RUNX2: variants seen among roughly 807,000 people sequenced by gnomAD.
RUNX2 encodes the protein RUNX family transcription factor 2, also known as runt-related transcription factor 2.
A neutral mutation model predicts 51.7 loss-of-function variants in RUNX2; 10 were observed. That is an observed-to-expected ratio of 0.19 (90% CI 0.12 to 0.33). RUNX2 has a LOEUF of 0.33. Among genes scored for constraint, RUNX2 ranks in the 10% least tolerant of loss-of-function variants. The pLI is 1.00. For missense variants in RUNX2, 562 were observed against 691.3 expected (o/e 0.81, Z 2.10); for synonymous variants, 276 against 273.6 (o/e 1.01, Z -0.09).
intron 6 of RUNX2, among the ~76,000 whole-genome samples, chr6:45,511,627 G>A (rs934662962): frequency 5.9e-5 from 9 of 152,146 alleles, no homozygotes; most frequent in Non-Finnish European, 1.2e-4. Context: ...CTTACGTGCT[G>A]CCCCTCCATT....
intron 5 of RUNX2, among the ~76,000 whole-genome samples, chr6:45,485,942 T>A (rs1007765644): frequency 1.1e-4 from 17 of 151,856 alleles, no homozygotes; most frequent in Non-Finnish European, 1.5e-5. Context: ...AATTTTTTAT[T>A]ATGAAAAATT....
At chr6:45,355,189 T>C (rs1563011687) in intron 2 of RUNX2, among the ~76,000 whole-genome samples, 1 of 150,924 alleles carries the variant, frequency 6.6e-6, no homozygotes, top group Non-Finnish European at 1.5e-5. Flanking sequence ...CTTAAACTCC[T>C]GGGCTCAAGC....
chr6:45,433,682 A>C (rs1454165097), intron 4 of RUNX2, among the ~76,000 whole-genome samples: 1 of 152,168 alleles, frequency 6.6e-6, no homozygotes, highest in Non-Finnish European at 1.5e-5. Flanking sequence ...TAAACCCTCA[A>C]CATATTTATT....
chr6:45,414,754 CTTTTTTTTT>C lies in RUNX2; in HGVS notation c.59-7817_59-7809del, dbSNP rs34672680. On this transcript the variant is annotated intron_variant, in intron 2 of 8. Coordinates refer to ENST00000647337, the MANE Select transcript of RUNX2 (RefSeq NM_001024630.4). ...ATCTCTCCACCTTCCCAGATCCTGG[CTTTTTTTTT>C]TTTTTTTTTTTTTTTTTTTTTATCA... Among the ~76,000 whole-genome samples, 219 of 33,444 alleles carry C rather than the reference CTTTTTTTTT, an allele frequency of 6.5e-3. 1 individual carries two copies. The highest frequency in any genetic ancestry group is 0.054 in the East Asian group (45 of 826). 21.9% of individuals were successfully genotyped at this position (33,444 alleles called of 152,430 possible).
intron 2 of RUNX2, among the ~76,000 whole-genome samples, chr6:45,402,102 G>T (rs1017233432): frequency 1.3e-5 from 2 of 152,174 alleles, no homozygotes; most frequent in African/African-American, 4.8e-5. Context: ...ATTTCACTGT[G>T]AATATTCATC....
At chr6:45,526,383 G>A (rs1582207651) in intron 7 of RUNX2, among the ~76,000 whole-genome samples, 1 of 152,262 alleles carries the variant, frequency 6.6e-6, no homozygotes, top group South Asian at 2.1e-4. Flanking sequence ...TGGTACATTT[G>A]TAAGTGATAA....
rs949228071 is a variant in RUNX2 at position 45,413,855 on chromosome 6, C to G, written c.59-8738C>G. ...GAAGCCTGAAATCACTCGGTAAGTT[C>G]TCAATACCCACAGACCTAGGGCTGG... On this transcript the variant is annotated intron_variant, in intron 2 of 8. Transcript: ENST00000647337. Among the ~76,000 whole-genome samples the G allele has an allele frequency of 2.0e-5, 3 of 152,238 alleles. No homozygotes were observed. The East Asian group carries it at 5.8e-4, about 29-fold the overall frequency.
chr6:45,461,464 C>CA (rs1460630937), intron 5 of RUNX2, among the ~76,000 whole-genome samples: 1 of 152,200 alleles, frequency 6.6e-6, no homozygotes, highest in East Asian at 1.9e-4. Context: ...AGTACTCGCA[C>CA]AACCCCAGTG....
chr6:45,354,933 TTGGAAAGAAAC>T (rs1401918439), intron 2 of RUNX2, among the ~76,000 whole-genome samples: 2 of 152,144 alleles, frequency 1.3e-5, no homozygotes, highest in African/African-American at 4.8e-5. Flanking sequence ...TTTGTATGCA[TTGGAAAGAAAC>T]TGGAAAGATA....
chr6:45,350,572 G>A (rs1563002050), intron 2 of RUNX2, among the ~76,000 whole-genome samples: 1 of 152,148 alleles, frequency 6.6e-6, no homozygotes, highest in Non-Finnish European at 1.5e-5. Flanking sequence ...TAGACTAAAT[G>A]TTGAGAGTAG....
intron 3 of RUNX2, among the ~76,000 whole-genome samples, chr6:45,424,818 A>G (rs1321684456): frequency 6.6e-6 from 1 of 152,200 alleles, no homozygotes. Context: ...AGTTGGCTCA[A>G]GAAATTTTTT....
chr6:45,467,062 T>G (rs1420985088), intron 5 of RUNX2, among the ~76,000 whole-genome samples: 1 of 152,184 alleles, frequency 6.6e-6, no homozygotes, highest in East Asian at 1.9e-4. Context: ...TGGCTTCTGC[T>G]CCCACGGCTT....
intron 2 of RUNX2, among the ~76,000 whole-genome samples, chr6:45,330,717 AC>A (rs1323164167): frequency 1.3e-5 from 2 of 151,562 alleles, no homozygotes; most frequent in African/African-American, 2.4e-5. Context: ...ATGGTAGTGA[AC>A]CTTTTTTTTT....
At chr6:45,393,688 A>T (rs1013125865) in intron 2 of RUNX2, among the ~76,000 whole-genome samples, 4 of 152,060 alleles carry the variant, frequency 2.6e-5, no homozygotes, top group African/African-American at 9.7e-5. Context: ...TCGGCCTCCC[A>T]AAGTGCTGGG....
Position 45,549,070 on chromosome 6 carries a change from T to C in RUNX2, c.*1765T>C. On this transcript the variant is annotated 3_prime_UTR_variant, in exon 9 of 9. Transcript: ENST00000647337. ...GTGGAGTTTGGTGTCTACTAGTGTG[T>C]ATGAATTTGAGCTAGAGTCCTTCTG... is the stretch of plus-strand genomic sequence containing the variant. 2.5e-6 allele frequency: 1 copy of C among 398,358 alleles called. No individual in the cohort carries two copies. The highest frequency in any genetic ancestry group is 2.1e-5 in the African/African-American group (1 of 48,740). The allele number at this position is 398,358 out of a possible 1,614,324, so 24.7% of individuals were successfully genotyped here. A position where few individuals can be genotyped will look rare whatever the true frequency, so the allele number is the denominator to read the frequency against.
rs1359645140 is a variant in RUNX2 at position 45,337,779 on chromosome 6, TTTTG to T, written c.58+8999_58+9002del. On this transcript the variant is annotated intron_variant, in intron 2 of 8. Coordinates refer to ENST00000647337, the MANE Select transcript of RUNX2 (RefSeq NM_001024630.4). The stretch of plus-strand genomic sequence containing the variant: ...CTCCACTGTTGGTTGTTATGTTTAT[TTTTG>T]TTTATTTGAAACAAATATTAAATAC... 3.9e-5 allele frequency among the ~76,000 whole-genome samples: 6 copies of T among 151,990 alleles called. No homozygotes were observed. In the East Asian group the frequency reaches 9.6e-4, roughly 24 times the overall value.
intron 5 of RUNX2, among the ~76,000 whole-genome samples, chr6:45,470,823 T>C (rs755531284): frequency 4.6e-5 from 7 of 152,212 alleles, no homozygotes; most frequent in Non-Finnish European, 8.8e-5. Flanking sequence ...GTAGCTCTTA[T>C]ACTTGTTAGC....
chr6:45,510,859 G>A (rs1801121477), intron 6 of RUNX2, among the ~76,000 whole-genome samples: 1 of 151,640 alleles, frequency 6.6e-6, no homozygotes, highest in African/African-American at 2.4e-5. Context: ...AGGTATTATT[G>A]CTGCCCCTCC....
chr6:45,549,396 C>T lies in RUNX2; in HGVS notation c.*2091C>T. ...CTGTGCTTCCTGCCTGGGAGTCTCC[C>T]TTGGAATTCATCCTGACTCCTTCTA... On this transcript the variant is annotated 3_prime_UTR_variant, in exon 9 of 9. Transcript: ENST00000647337. 2.5e-6 allele frequency: 1 copy of T among 398,498 alleles called. No individual in the cohort carries two copies. The highest frequency in any genetic ancestry group is 4.4e-6 in the Non-Finnish European group (1 of 226,032). 24.7% of individuals were successfully genotyped at this position (398,498 alleles called of 1,614,324 possible). A position where few individuals can be genotyped will look rare whatever the true frequency, so the allele number is the denominator to read the frequency against.
Sources: allele counts gnomAD v4.1 joint callset (sites outside exome capture counted in the v4.1 genomes callset), GRCh38; gene constraint gnomAD v4.1.1; transcripts MANE v1.5; gene names NCBI Gene and HGNC (gene_info 2026-07-23, HGNC 2026-07-21).